Variants in CLDN18 observed in about 807,000 individuals in gnomAD.
CLDN18 encodes claudin 18, also known as claudin-18.
Under a neutral mutation model 25.0 loss-of-function variants are expected in CLDN18, and 20 were observed. The ratio of observed to expected loss-of-function variants is 0.80; its 90% CI spans 0.56 to 1.16. The LOEUF (loss-of-function observed/expected upper bound fraction) is 1.16, where lower values mean the gene tolerates loss of function less well. Among genes scored for constraint, CLDN18 ranks in the 50% most tolerant of loss-of-function variants. The pLI, the probability that CLDN18 is intolerant of heterozygous loss-of-function variation, is 0.00. For synonymous variants in CLDN18, 125 were observed against 135.6 expected (o/e 0.92, Z 0.54); for missense variants, 297 against 345.4 (o/e 0.86, Z 1.11).
chr3:138,002,880 C>G (rs1346683077), intron 1 of CLDN18, among the ~76,000 whole-genome samples: 2 of 152,156 alleles, frequency 1.3e-5, no homozygotes, highest in Non-Finnish European at 2.9e-5. Context: ...GGTCTTTGGT[C>G]CTTTCACACA....
In CLDN18 at chr3:138,031,056, A is replaced by G; in HGVS notation, c.701A>G (p.Asn234Ser). The G allele has an allele frequency of 6.2e-7, 1 of 1,614,188 alleles. No individual in the cohort carries two copies. The highest frequency in any genetic ancestry group is 8.5e-7 in the Non-Finnish European group (1 of 1,180,014). The change falls in exon 5 of 5, where the codon AAC (asparagine) becomes AGC (serine). Residue 234 changes from asparagine (N) to serine (S), a missense_variant. Physicochemically the swap from Asn to Ser is conservative, Grantham distance 46 (BLOSUM62 1). Transcript: ENST00000183605. ...GFKASTGFGS[N>S]TKNKKIYDGG... Reference sequence around the variant, plus strand: ...AAGGCCAGCACTGGCTTTGGGTCCAACACCAAAAACAAGAAGATATACGAT... The same window carrying G: ...AAGGCCAGCACTGGCTTTGGGTCCAGCACCAAAAACAAGAAGATATACGAT...
At chr3:138,018,205 T>TC (rs1213994279) in intron 1 of CLDN18, among the ~76,000 whole-genome samples, 1 of 152,156 alleles carries the variant, frequency 6.6e-6, no homozygotes, top group Non-Finnish European at 1.5e-5. Context: ...GGCTGGGAAG[T>TC]CCAAGATCAA....
Position 138,010,217 on chromosome 3 carries a change from G to T in CLDN18, c.-9G>T. The T allele has an allele frequency of 1.9e-6, 3 of 1,610,610 alleles. No individual in the cohort carries two copies. The highest frequency in any genetic ancestry group is 2.5e-6 in the Non-Finnish European group (3 of 1,178,292). On this transcript the variant is annotated 5_prime_UTR_variant, in exon 1 of 5. Coordinates refer to ENST00000183605, the MANE Select transcript of CLDN18 (RefSeq NM_016369.4). ...CTTCTCGCAGGCGGCAGGGCGGGCG[G>T]CCAGGATCATGTCCACCACCACATG...
intron 4 of CLDN18, 49 bp from the exon 5 acceptor site, chr3:138,030,921 C>A: frequency 1.3e-6 from 2 of 1,530,810 alleles, no homozygotes; most frequent in South Asian, 2.4e-5. Flanking sequence ...GGAGGTTGGT[C>A]CTACTAACAA....
At position 138,019,286 on chromosome 3, in the gene CLDN18, G is replaced by A. The variant is rs571474934; in HGVS notation, c.221-4372G>A. Reference sequence around the variant, plus strand: ...ACAAGGTACAAACGACCTCTGTGTCGATTCCCTGGAATCTCCAGAGAATCT... The same window carrying A: ...ACAAGGTACAAACGACCTCTGTGTCAATTCCCTGGAATCTCCAGAGAATCT... On this transcript the variant is annotated intron_variant, in intron 1 of 4. Coordinates refer to ENST00000183605, the MANE Select transcript of CLDN18 (RefSeq NM_016369.4). 5.3e-5 allele frequency among the ~76,000 whole-genome samples: 8 copies of A among 152,260 alleles called. No individual in the cohort carries two copies. In the South Asian group the frequency reaches 1.2e-3, roughly 24 times the overall value.
At chr3:138,015,695 C>T (rs1034048710) in intron 1 of CLDN18, among the ~76,000 whole-genome samples, 1 of 152,164 alleles carries the variant, frequency 6.6e-6, no homozygotes, top group African/African-American at 2.4e-5. Flanking sequence ...TGCCACTGCA[C>T]TCCAGCGTGG....
At chr3:138,001,262 C>A (rs998040226) in intron 1 of CLDN18, among the ~76,000 whole-genome samples, 16 of 152,214 alleles carry the variant, frequency 1.1e-4, no homozygotes, top group African/African-American at 3.9e-4. Flanking sequence ...TAGAAATTCC[C>A]AGTGCAGAAG....
chr3:138,013,568 C>CT (rs1369428294), intron 1 of CLDN18, among the ~76,000 whole-genome samples: 2 of 152,224 alleles, frequency 1.3e-5, no homozygotes, highest in African/African-American at 4.8e-5. Context: ...ATGTCACTCA[C>CT]AGTGCGTTGG....
At chr3:138,018,485 C>T (rs1046505686) in intron 1 of CLDN18, among the ~76,000 whole-genome samples, 9 of 151,752 alleles carry the variant, frequency 5.9e-5, no homozygotes, top group Non-Finnish European at 1.3e-4. Context: ...TACAGGCGCC[C>T]GCCACTACGC....
chr3:138,025,941 C>G (rs1489209130), intron 3 of CLDN18, among the ~76,000 whole-genome samples: 4 of 152,230 alleles, frequency 2.6e-5, no homozygotes, highest in Non-Finnish European at 5.9e-5. Context: ...CACATCATCT[C>G]CCTAGCACCA....
chr3:138,000,059 G>A (rs1034172844), intron 1 of CLDN18, among the ~76,000 whole-genome samples: 6 of 152,194 alleles, frequency 3.9e-5, no homozygotes, highest in African/African-American at 1.2e-4. Flanking sequence ...CCATTTGACT[G>A]CAGGGTCAAG....
At chr3:138,026,373 C>T (rs1356507166) in intron 3 of CLDN18, among the ~76,000 whole-genome samples, 1 of 152,156 alleles carries the variant, frequency 6.6e-6, no homozygotes, top group Non-Finnish European at 1.5e-5. Flanking sequence ...TTAGGCTGGG[C>T]GCGGTGGCTC....
At chr3:138,007,347 A>G (rs1333513406), upstream of CLDN18, among the ~76,000 whole-genome samples, 3 of 152,236 alleles carry the variant, frequency 2.0e-5, no homozygotes, top group Admixed American at 6.5e-5. Context: ...TATACACCAT[A>G]GAATACTATG....
At chr3:137,999,118 G>A (rs370174978) in intron 1 of CLDN18, 1 of 1,592,824 alleles carries the variant, frequency 6.3e-7, no homozygotes, top group Non-Finnish European at 8.6e-7. Flanking sequence ...CTGGCTGGAG[G>A]GAGAGATTGG....
At chr3:138,009,241 C>G (rs945625044), upstream of CLDN18, among the ~76,000 whole-genome samples, 2 of 152,178 alleles carry the variant, frequency 1.3e-5, no homozygotes, top group Admixed American at 1.3e-4. Flanking sequence ...GCCCAGCACA[C>G]GACAAGTTAG....
intron 1 of CLDN18, chr3:138,004,782 T>G (rs1942052695): frequency 6.6e-6 from 1 of 150,788 alleles, no homozygotes; most frequent in Non-Finnish European, 1.5e-5. Flanking sequence ...TTTAAAAATA[T>G]AAGATAATTT....
chr3:138,028,344 C>A (rs1262486794), intron 3 of CLDN18, among the ~76,000 whole-genome samples: 2 of 152,272 alleles, frequency 1.3e-5, no homozygotes, highest in Middle Eastern at 3.4e-3. Context: ...GGATTATAGG[C>A]GTGAGCCACC....
At chr3:137,998,975 A>T in exon 1 of CLDN18, 2 of 1,614,218 alleles carry the variant, frequency 1.2e-6, no homozygotes, top group Non-Finnish European at 1.7e-6. Flanking sequence ...CAAGACTTGT[A>T]CAACAACCCC....
intron 1 of CLDN18, chr3:137,999,186 GGA>G: frequency 9.2e-7 from 1 of 1,090,888 alleles, no homozygotes; most frequent in Non-Finnish European, 1.4e-6. Context: ...TGCTGGGGAG[GGA>G]GGAACTGCGA....
Sources: gnomAD v4.1 joint callset for allele counts (sites outside exome capture counted in the v4.1 genomes callset) on GRCh38, gnomAD v4.1.1 for gene constraint, MANE v1.5 for transcripts, NCBI Gene and HGNC (gene_info 2026-07-23, HGNC 2026-07-21) for gene names.